The following ADGRB3 variants were observed in gnomAD, a reference collection of about 807,000 sequenced individuals.
ADGRB3 encodes the protein adhesion G protein-coupled receptor B3.
ADGRB3 carries 37 observed loss-of-function variants against 193.4 expected under a neutral mutation model. The observed-to-expected ratio is 0.19, with a 90% CI of 0.15 to 0.25. The LOEUF is 0.25. Among genes scored for constraint, ADGRB3 ranks in the 10% least tolerant of loss-of-function variants. ADGRB3 has a pLI of 1.00. For missense variants in ADGRB3, 1,637 were observed against 1,852.9 expected, an observed-to-expected ratio of 0.88 and a Z score of 2.14; for synonymous variants, 690 against 644.2, an observed-to-expected ratio of 1.07 and a Z score of -1.08.
chr6:68,781,132 G>A (rs370877466), intron 3 of ADGRB3, among the ~76,000 whole-genome samples: 2 of 152,120 alleles, frequency 1.3e-5, no homozygotes, highest in Non-Finnish European at 2.9e-5. Flanking sequence ...ATTAAAACTT[G>A]AAGCAAAGTC....
intron 17 of ADGRB3, among the ~76,000 whole-genome samples, chr6:69,191,553 C>T (rs1344124801): frequency 6.6e-6 from 1 of 151,966 alleles, no homozygotes; most frequent in Non-Finnish European, 1.5e-5. Context: ...ATAAATATGG[C>T]TTAAGTTATC....
chr6:68,700,256 T>C (rs1207162439), intron 3 of ADGRB3, among the ~76,000 whole-genome samples: 1 of 152,144 alleles, frequency 6.6e-6, no homozygotes, highest in Admixed American at 6.6e-5. Context: ...CAAGAAATCT[T>C]TAAGAAGGCA....
chr6:69,259,586 C>G (rs1246180263), intron 20 of ADGRB3, among the ~76,000 whole-genome samples: 1 of 150,770 alleles, frequency 6.6e-6, no homozygotes. Flanking sequence ...GTCCCAGCTA[C>G]TCGGGAGGCT....
intron 3 of ADGRB3, among the ~76,000 whole-genome samples, chr6:68,913,366 A>G (rs959569404): frequency 1.2e-4 from 18 of 152,178 alleles, no homozygotes; most frequent in Admixed American, 1.1e-3. Context: ...GAACGATAAG[A>G]CAGCAACATT....
intron 15 of ADGRB3, among the ~76,000 whole-genome samples, chr6:69,062,265 G>T (rs1435726790): frequency 1.3e-5 from 2 of 151,490 alleles, no homozygotes; most frequent in Non-Finnish European, 2.9e-5. Flanking sequence ...ATAATTTCTT[G>T]TAAACTATAG....
At chr6:68,767,871 T>A (rs1431270725) in intron 3 of ADGRB3, among the ~76,000 whole-genome samples, 1 of 152,020 alleles carries the variant, frequency 6.6e-6, no homozygotes, top group Admixed American at 6.6e-5. Flanking sequence ...TGTGCAAAAA[T>A]CACAAGCATC....
At chr6:69,379,210 A>T (rs1769895302) in intron 30 of ADGRB3, among the ~76,000 whole-genome samples, 1 of 152,018 alleles carries the variant, frequency 6.6e-6, no homozygotes. Flanking sequence ...ATATATCTTT[A>T]TTTAAATAGA....
chr6:69,228,873 A>G (rs1176141956), intron 17 of ADGRB3, among the ~76,000 whole-genome samples: 3 of 150,770 alleles, frequency 2.0e-5, no homozygotes, highest in African/African-American at 7.3e-5. Context: ...ACAAGTTTCT[A>G]AATTCACTAA....
At chr6:68,814,036 T>TA (rs1281517779) in intron 3 of ADGRB3, among the ~76,000 whole-genome samples, 3 of 152,186 alleles carry the variant, frequency 2.0e-5, no homozygotes, top group Non-Finnish European at 4.4e-5. Flanking sequence ...TGTGTCTTTA[T>TA]AGCAGCATGA....
Position 69,169,654 on chromosome 6 carries a change from T to C in ADGRB3, c.2481-63636T>C, listed in dbSNP as rs187979052. 9.2e-5 allele frequency among the ~76,000 whole-genome samples: 14 copies of C among 151,874 alleles called. No individual in the cohort carries two copies. In the East Asian group the frequency reaches 2.7e-3, roughly 29 times the overall value. On this transcript the variant is annotated intron_variant, in intron 17 of 31. Transcript: ENST00000370598. ...TTGAGAATCTTACAAAAAGTACAAA[T>C]TGAATCTGTTGAAGATAATAGTTTT... is the stretch of plus-strand genomic sequence containing the variant.
chr6:68,918,214 G>T (rs955604618), intron 3 of ADGRB3, among the ~76,000 whole-genome samples: 1 of 152,118 alleles, frequency 6.6e-6, no homozygotes. Flanking sequence ...AATGTCTCCT[G>T]TAAAGGTTGG....
At chr6:68,891,254 G>A (rs577238274) in intron 3 of ADGRB3, among the ~76,000 whole-genome samples, 8 of 152,176 alleles carry the variant, frequency 5.3e-5, no homozygotes, top group Non-Finnish European at 1.2e-4. Context: ...GGTCCCTCCC[G>A]CAACACGTGG....
intron 17 of ADGRB3, among the ~76,000 whole-genome samples, chr6:69,086,692 TTTTG>T (rs1008721299): frequency 2.4e-4 from 36 of 152,150 alleles, no homozygotes; most frequent in South Asian, 1.9e-3. Context: ...AAAAGTGCAT[TTTTG>T]TTTGTTTGTC....
At chr6:69,075,319 A>C (rs920710000) in intron 16 of ADGRB3, among the ~76,000 whole-genome samples, 2 of 152,206 alleles carry the variant, frequency 1.3e-5, no homozygotes, top group African/African-American at 4.8e-5. Context: ...AATACATTAG[A>C]ACTCTTCAAA....
intron 3 of ADGRB3, among the ~76,000 whole-genome samples, chr6:68,892,516 A>T (rs540424940): frequency 2.2e-4 from 34 of 152,166 alleles, no homozygotes; most frequent in Admixed American, 2.2e-3. Flanking sequence ...CACTCAATTT[A>T]TTTCCTTTAT....
In ADGRB3 at chr6:69,015,030, T is replaced by C. The variant is rs58031155; in HGVS notation, c.1998+924T>C. Among the ~76,000 whole-genome samples the C allele has an allele frequency of 3.2e-3, 492 of 152,038 alleles. 2 individuals are homozygous for C. The highest frequency in any genetic ancestry group is 0.011 in the African/African-American group (475 of 41,514). ...TGGACATAGCCAGAAAAAAAAACCC[T>C]TATTTTAATACTTTAAATCTATTTT... On this transcript the variant is annotated intron_variant, in intron 12 of 31. Transcript: ENST00000370598.
intron 15 of ADGRB3, among the ~76,000 whole-genome samples, chr6:69,058,143 T>C (rs1356816279): frequency 6.6e-6 from 1 of 151,928 alleles, no homozygotes; most frequent in East Asian, 1.9e-4. Flanking sequence ...AAATAAAATT[T>C]CTGCATGCTT....
At chr6:69,321,131 C>G (rs575443167) in intron 20 of ADGRB3, among the ~76,000 whole-genome samples, 1 of 151,732 alleles carries the variant, frequency 6.6e-6, no homozygotes, top group Non-Finnish European at 1.5e-5. Flanking sequence ...CTCACAGTCT[C>G]TAGTCCATCA....
At chr6:68,716,288 A>G (rs1181447154) in intron 3 of ADGRB3, among the ~76,000 whole-genome samples, 1 of 151,490 alleles carries the variant, frequency 6.6e-6, no homozygotes, top group African/African-American at 2.4e-5. Context: ...TTATGTGGAG[A>G]TTTATTTATT....
Sources: allele counts gnomAD v4.1 joint callset (sites outside exome capture counted in the v4.1 genomes callset), GRCh38; gene constraint gnomAD v4.1.1; transcripts MANE v1.5; gene names NCBI Gene and HGNC (gene_info 2026-07-23, HGNC 2026-07-21).